SYNC: variants seen among roughly 807,000 people sequenced by gnomAD.
The protein encoded by SYNC is syncoilin, intermediate filament protein.
SYNC carries 38 observed loss-of-function variants against 49.5 expected under a neutral mutation model. That is an observed-to-expected ratio of 0.77 (90% confidence interval 0.59 to 1.01). SYNC has a LOEUF of 1.01. Ranked by LOEUF, SYNC falls within the 50% of genes least tolerant of loss-of-function variation. The pLI is 0.00. For missense variants in SYNC, 579 were observed against 580.6 expected (o/e 1.00, Z 0.03); for synonymous variants, 201 against 230.8 (o/e 0.87, Z 1.17).
At chr1:32,701,483 T>A (rs1650667494) in intron 1 of SYNC, among the ~76,000 whole-genome samples, 1 of 152,104 alleles carries the variant, frequency 6.6e-6, no homozygotes. Context: ...AGAAACCAGA[T>A]GAACTCCAAG....
intron 2 of SYNC, chr1:32,684,603 G>A: frequency 1.8e-6 from 1 of 566,608 alleles, no homozygotes; most frequent in Non-Finnish European, 3.0e-6. Context: ...CATCTTGTCT[G>A]TTAACCACAG....
At chr1:32,694,052 C>T (rs184681436) in intron 2 of SYNC, among the ~76,000 whole-genome samples, 7 of 151,126 alleles carry the variant, frequency 4.6e-5, no homozygotes, top group African/African-American at 7.3e-5. Flanking sequence ...GCCTGGGCCA[C>T]GTGGTGAAAC....
chr1:32,699,743 T>C (rs374746976), intron 1 of SYNC, among the ~76,000 whole-genome samples: 3 of 110,380 alleles, frequency 2.7e-5, no homozygotes, highest in Non-Finnish European at 4.0e-5. Context: ...TTTTTTTTTT[T>C]CTTTTTTTGA....
At chr1:32,690,298 C>T (rs1234191683) in intron 2 of SYNC, among the ~76,000 whole-genome samples, 1 of 152,134 alleles carries the variant, frequency 6.6e-6, no homozygotes, top group Non-Finnish European at 1.5e-5. Flanking sequence ...AATCTGAAAC[C>T]ATCTTAACCT....
chr1:32,687,855 A>ATTATTATTATTATTATTTTATTATT (rs71006359), intron 2 of SYNC, among the ~76,000 whole-genome samples: 1 of 135,516 alleles, frequency 7.4e-6, no homozygotes, highest in Non-Finnish European at 1.6e-5. Context: ...TATTATTATT[A>ATTATTATTATTATTATTTTATTATT]TTATTATTTT....
Position 32,696,083 on chromosome 1 carries a change from A to G in SYNC, c.54-39T>C, listed in dbSNP as rs1013955686. 29 of 1,500,428 alleles carry G rather than the reference A, an allele frequency of 1.9e-5. No individual in the cohort carries two copies. The African/African-American group carries it at 4.0e-4, about 21-fold the overall frequency. The allele number at this position is 1,500,428 out of a possible 1,614,324, so 92.9% of individuals were successfully genotyped here. On this transcript the variant is annotated intron_variant, in intron 1 of 4. Transcript: ENST00000409190. ...GATTGAAAGTGAAAGGGCAGCCACA[A>G]TCCCAGGATGGTGCAATTCTGGAGC... is the stretch of plus-strand genomic sequence containing the variant.
At chr1:32,699,728 C>CTTTTTT (rs58903413) in intron 1 of SYNC, among the ~76,000 whole-genome samples, 3 of 125,980 alleles carry the variant, frequency 2.4e-5, no homozygotes, top group Non-Finnish European at 3.5e-5. Flanking sequence ...CCAAACATAC[C>CTTTTTT]TTTTTTTTTT....
intron 1 of SYNC, among the ~76,000 whole-genome samples, chr1:32,701,469 A>G (rs1364938375): frequency 6.6e-6 from 1 of 152,156 alleles, no homozygotes; most frequent in Non-Finnish European, 1.5e-5. Flanking sequence ...AAGGGCAGAC[A>G]GGCAGAAACC....
chr1:32,684,302 C>A lies in SYNC; in HGVS notation c.1314G>T (p.Met438Ile). 6.2e-7 allele frequency: 1 copy of A among 1,614,128 alleles called. No individual in the cohort carries two copies. The highest frequency in any genetic ancestry group is 8.5e-7 in the Non-Finnish European group (1 of 1,179,996). ...CAGCAAGACTGAGCCTTAGCTGTTC[C>A]ATCTCTTTGTTCTTCTGTTGCTGGA... Reference protein sequence around the residue: ...VQLQQQKNKEMEQLRLSLAEE... With the variant: ...VQLQQQKNKEIEQLRLSLAEE... The change falls in exon 3 of 5, where the codon ATG becomes ATT. Residue 438 changes from methionine to isoleucine, a missense_variant. Met to Ile is a conservative substitution (Grantham distance 10, BLOSUM62 1). Coordinates refer to ENST00000409190, the MANE Select transcript of SYNC (RefSeq NM_030786.3).
chr1:32,688,711 T>C (rs1436032694), intron 2 of SYNC, among the ~76,000 whole-genome samples: 4 of 150,950 alleles, frequency 2.6e-5, no homozygotes, highest in Admixed American at 2.0e-4. Context: ...AGCCCCCGAG[T>C]AGCTGGGATT....
intron 4 of SYNC, 21 bp from the exon 5 acceptor site, chr1:32,681,881 G>GT: frequency 1.2e-6 from 2 of 1,608,484 alleles, no homozygotes; most frequent in South Asian, 2.2e-5. Flanking sequence ...GAAAGAAAAA[G>GT]TTTATAACAG....
At chr1:32,690,403 T>C (rs964394100) in intron 2 of SYNC, among the ~76,000 whole-genome samples, 6 of 152,126 alleles carry the variant, frequency 3.9e-5, no homozygotes, top group African/African-American at 1.4e-4. Flanking sequence ...TCCCAGCACA[T>C]TGGGAGGCCG....
At chr1:32,702,861 T>G, upstream of SYNC, 1 of 224,046 alleles carries the variant, frequency 4.5e-6, no homozygotes. This position sits in a 1 kb window ranked among gnomAD's most constrained non-coding sequence, Gnocchi z 6.2. Context: ...GGGGAGAGGC[T>G]GCCCCTCCCG....
At chr1:32,690,048 A>G (rs1033115744) in intron 2 of SYNC, among the ~76,000 whole-genome samples, 1 of 152,146 alleles carries the variant, frequency 6.6e-6, no homozygotes, top group African/African-American at 2.4e-5. Flanking sequence ...TCCTACTTTA[A>G]TGATGGTATA....
At chr1:32,694,788 C>T in intron 2 of SYNC, 77 bp downstream of exon 2, 3 of 1,382,696 alleles carry the variant, frequency 2.2e-6, no homozygotes, top group Non-Finnish European at 2.9e-6. Flanking sequence ...TATCTTTCAG[C>T]CCCAAAGACC....
chr1:32,690,497 T>C (rs1271901628), intron 2 of SYNC, among the ~76,000 whole-genome samples: 2 of 150,402 alleles, frequency 1.3e-5, no homozygotes, highest in African/African-American at 2.5e-5. Flanking sequence ...ATACAAAAAT[T>C]AGCGAGGCCT....
Position 32,695,174 on chromosome 1 carries a change from G to T in SYNC, c.924C>A (p.Ala308=). The T allele has an allele frequency of 6.3e-7, 1 of 1,579,780 alleles. No homozygotes were observed. The highest frequency in any genetic ancestry group is 1.1e-5 in the South Asian group (1 of 87,894). ...QKEQLRQQLE[A]PPSQRDGHFL... The stretch of plus-strand genomic sequence containing the variant: ...AGTGCCCATCCCTCTGGCTTGGAGG[G>T]GCTTCTAGTTGTTGCCGCAGCTGCT... Residue 308 remains alanine (A), a synonymous_variant, in exon 2 of 5, where the codon GCC becomes GCA. Coordinates refer to ENST00000409190, the MANE Select transcript of SYNC (RefSeq NM_030786.3).
At chr1:32,681,979 T>C in intron 4 of SYNC, 119 bp from the exon 5 acceptor site, 2 of 881,712 alleles carry the variant, frequency 2.3e-6, no homozygotes, top group South Asian at 1.6e-5. Flanking sequence ...GACTTTCCCC[T>C]AGCAAATATT....
intron 2 of SYNC, among the ~76,000 whole-genome samples, chr1:32,686,908 C>A (rs570210155): frequency 2.0e-5 from 3 of 152,196 alleles, no homozygotes; most frequent in Non-Finnish European, 4.4e-5. Context: ...TGTGCAACCC[C>A]AAAAGCTGGC....
Sources: allele counts gnomAD v4.1 joint callset (sites outside exome capture counted in the v4.1 genomes callset), GRCh38; gene constraint gnomAD v4.1.1; non-coding constraint Gnocchi (gnomAD v3.1); transcripts MANE v1.5; gene names NCBI Gene and HGNC (gene_info 2026-07-23, HGNC 2026-07-21).